GFRA1: variants seen among roughly 807,000 people sequenced by gnomAD.
The protein encoded by GFRA1 is GDNF family receptor alpha 1.
In GFRA1, 16 loss-of-function variants were observed where a neutral mutation model predicts 51.6. That is an observed-to-expected ratio of 0.31 (90% CI 0.21 to 0.47). GFRA1 has a LOEUF of 0.47. Ranked by LOEUF, GFRA1 falls within the 20% of genes least tolerant of loss-of-function variation. GFRA1 has a pLI of 1.00. For synonymous variants in GFRA1, 270 were observed against 241.3 expected (o/e 1.12, Z -1.10); for missense variants, 530 against 594.3 (o/e 0.89, Z 1.13).
At chr10:116,268,828 C>CA in intron 4 of GFRA1, among the ~76,000 whole-genome samples, 1 of 152,118 alleles carries the variant, frequency 6.6e-6, no homozygotes, top group Non-Finnish European at 1.5e-5. Flanking sequence ...GCAGATGTTA[C>CA]AAAAAACTTA....
intron 5 of GFRA1, among the ~76,000 whole-genome samples, chr10:116,166,832 C>G (rs1358614060): frequency 8.6e-6 from 1 of 116,756 alleles, no homozygotes; most frequent in Non-Finnish European, 1.6e-5. Context: ...CGGAGTCTCC[C>G]TCTGTGGCCC....
chr10:116,177,575 G>A (rs1004617762), intron 5 of GFRA1, among the ~76,000 whole-genome samples: 12 of 152,230 alleles, frequency 7.9e-5, no homozygotes, highest in Middle Eastern at 3.4e-3. Flanking sequence ...GAAACCCTGG[G>A]AGCAGATGAG....
chr10:116,271,799 C>A (rs1247587855), intron 2 of GFRA1, among the ~76,000 whole-genome samples, 191 bp downstream of exon 2: 1 of 152,164 alleles, frequency 6.6e-6, no homozygotes, highest in Non-Finnish European at 1.5e-5. Context: ...CGAAAAGCTT[C>A]AGGCAGCGCC....
At chr10:116,100,933 A>G (rs1301441093) in intron 6 of GFRA1, among the ~76,000 whole-genome samples, 1 of 152,218 alleles carries the variant, frequency 6.6e-6, no homozygotes, top group Non-Finnish European at 1.5e-5. Context: ...AGGACAGCTC[A>G]GCAGACAGTG....
intron 4 of GFRA1, among the ~76,000 whole-genome samples, chr10:116,248,633 G>C (rs752891718): frequency 1.3e-5 from 2 of 152,170 alleles, no homozygotes; most frequent in African/African-American, 2.4e-5. Flanking sequence ...TGTGGAGTTT[G>C]CAAAGCACTT....
chr10:116,094,757 T>C (rs1364275371), intron 7 of GFRA1, among the ~76,000 whole-genome samples: 4 of 152,226 alleles, frequency 2.6e-5, no homozygotes, highest in African/African-American at 9.6e-5. Flanking sequence ...TTGCCCTATA[T>C]TCTTTACTGA....
chr10:116,196,677 A>G (rs1963864057), intron 5 of GFRA1, among the ~76,000 whole-genome samples: 1 of 47,970 alleles, frequency 2.1e-5, no homozygotes, highest in African/African-American at 1.0e-4. Flanking sequence ...TATAATATAT[A>G]TAATATATAG....
intron 5 of GFRA1, among the ~76,000 whole-genome samples, chr10:116,184,072 C>T (rs763698049): frequency 2.0e-5 from 3 of 152,218 alleles, no homozygotes; most frequent in Admixed American, 6.5e-5. Flanking sequence ...AAATGTGGTA[C>T]CCACTCCCTC....
At chr10:116,233,536 G>T (rs985348516) in intron 4 of GFRA1, among the ~76,000 whole-genome samples, 1 of 152,064 alleles carries the variant, frequency 6.6e-6, no homozygotes, top group Non-Finnish European at 1.5e-5. Context: ...TGGATGCAAG[G>T]CCCCTTGTTT....
At chr10:116,269,820 T>C (rs1440588907) in intron 3 of GFRA1, among the ~76,000 whole-genome samples, 2 of 152,136 alleles carry the variant, frequency 1.3e-5, no homozygotes, top group Non-Finnish European at 1.5e-5. Context: ...AACCCAGCCC[T>C]ATCTTGCCAG....
At chr10:116,205,666 C>A (rs972583153) in intron 5 of GFRA1, among the ~76,000 whole-genome samples, 11 of 150,318 alleles carry the variant, frequency 7.3e-5, no homozygotes, top group Non-Finnish European at 8.9e-5. Flanking sequence ...ATAGCCACGA[C>A]TTCAACAAAA....
chr10:116,270,830 C>T lies in GFRA1; in HGVS notation c.326G>A (p.Ser109Asn), dbSNP rs771231892. 30 of 1,612,998 alleles carry T rather than the reference C, an allele frequency of 1.9e-5. No homozygotes were observed. The highest frequency in any genetic ancestry group is 2.5e-5 in the Non-Finnish European group (30 of 1,179,572). The stretch of plus-strand genomic sequence containing the variant: ...GGAGGTTCCACGCGTACCCTGCAGG[C>T]TCTGGTACATGCTCCAGTAAATGCG... ...CLRIYWSMYQ[S>N]LQGNDLLEDS... The change falls in exon 3 of 11, where the codon AGC (serine) becomes AAC (asparagine). Residue 109 changes from serine to asparagine, a missense_variant. By Grantham distance (46) the Ser-to-Asn change is conservative. Transcript: ENST00000355422.
chr10:116,147,838 A>T (rs1958874297), intron 5 of GFRA1, among the ~76,000 whole-genome samples: 1 of 151,910 alleles, frequency 6.6e-6, no homozygotes, highest in Non-Finnish European at 1.5e-5. Flanking sequence ...AACCTCACGC[A>T]CGCTCCTCCC....
At chr10:116,084,807 C>G (rs1477226204) in intron 9 of GFRA1, among the ~76,000 whole-genome samples, 1 of 134,352 alleles carries the variant, frequency 7.4e-6, no homozygotes, top group East Asian at 2.3e-4. Context: ...CACACACACA[C>G]ACACAGTCCA....
chr10:116,105,704 A>G (rs908432892), intron 6 of GFRA1, among the ~76,000 whole-genome samples: 1 of 152,214 alleles, frequency 6.6e-6, no homozygotes, highest in Admixed American at 6.5e-5. Flanking sequence ...GATGAAAACT[A>G]CATATTTGGT....
intron 5 of GFRA1, among the ~76,000 whole-genome samples, chr10:116,195,037 T>C (rs1054955275): frequency 6.6e-6 from 1 of 152,184 alleles, no homozygotes; most frequent in Non-Finnish European, 1.5e-5. Flanking sequence ...AGAAACAATA[T>C]GTAAATGAAT....
chr10:116,235,567 G>C (rs1471620720), intron 4 of GFRA1, among the ~76,000 whole-genome samples: 9 of 152,124 alleles, frequency 5.9e-5, no homozygotes, highest in African/African-American at 2.2e-4. Flanking sequence ...GAGACTGTGG[G>C]GGGTGGTCCA....
chr10:116,186,570 T>TAAAAAAA (rs386372545), intron 5 of GFRA1, among the ~76,000 whole-genome samples: 1 of 129,228 alleles, frequency 7.7e-6, no homozygotes, highest in Non-Finnish European at 1.6e-5. Flanking sequence ...GAAAGGCTCT[T>TAAAAAAA]AAAAAAAAAA....
intron 5 of GFRA1, among the ~76,000 whole-genome samples, chr10:116,200,541 C>A (rs990743449): frequency 7.9e-5 from 12 of 152,184 alleles, no homozygotes; most frequent in African/African-American, 2.9e-4. Context: ...ATATCTGAAA[C>A]CACAAAGATT....
Sources: allele counts gnomAD v4.1 joint callset (sites outside exome capture counted in the v4.1 genomes callset), GRCh38; gene constraint gnomAD v4.1.1; transcripts MANE v1.5; gene names NCBI Gene and HGNC (gene_info 2026-07-23, HGNC 2026-07-21).